Variants in STX5 observed in about 807,000 individuals in gnomAD.
STX5 encodes syntaxin-5.
STX5 carries 15 observed loss-of-function variants against 42.9 expected under a neutral mutation model. The ratio of observed to expected loss-of-function variants is 0.35; its 90% CI spans 0.23 to 0.54. STX5 has a LOEUF of 0.54. Ranked by LOEUF, STX5 falls within the 20% of genes least tolerant of loss-of-function variation. The pLI, the probability that STX5 is intolerant of heterozygous loss-of-function variation, is 0.91. For synonymous variants in STX5, 184 were observed against 173.2 expected (o/e 1.06, Z -0.49); for missense variants, 430 against 455.0 (o/e 0.95, Z 0.50).
At chr11:62,812,556 C>T (rs1400110678) in intron 10 of STX5, among the ~76,000 whole-genome samples, 1 of 151,866 alleles carries the variant, frequency 6.6e-6, no homozygotes, top group Non-Finnish European at 1.5e-5. Context: ...GTAGCTGGGA[C>T]TACAGGCGCC....
At chr11:62,819,469 G>A (rs1477391135) in intron 10 of STX5, among the ~76,000 whole-genome samples, 1 of 151,646 alleles carries the variant, frequency 6.6e-6, no homozygotes, top group African/African-American at 2.4e-5. Context: ...AAATATGTGA[G>A]CACTATTACC....
chr11:62,814,846 G>A (rs528864752), intron 10 of STX5, among the ~76,000 whole-genome samples: 1 of 149,758 alleles, frequency 6.7e-6, no homozygotes, highest in Non-Finnish European at 1.5e-5. Flanking sequence ...CGCCTGCCTC[G>A]GCCTCCCAGA....
Position 62,827,169 on chromosome 11 carries a change from A to C in STX5, c.409T>G (p.Tyr137Asp). 1 of 1,614,124 alleles carries C rather than the reference A, an allele frequency of 6.2e-7. No homozygotes were observed. Among genetic ancestry groups the C allele is most frequent in the Non-Finnish European group, 8.5e-7 (1 of 1,180,002 alleles). ...DKAVEIEELT[Y>D]IIKQDINSLN... ...TAGTAGCTCACCTGTTTGATGATAT[A>C]TGTTAGCTCTTCAATTTCCACTGCT... The change falls in exon 5 of 11, where the codon TAT becomes GAT. Residue 137 changes from tyrosine to aspartate, a missense_variant. By Grantham distance (160) the Tyr-to-Asp change is radical. Transcript: ENST00000294179.
chr11:62,820,580 G>A (rs1322576597), intron 10 of STX5, among the ~76,000 whole-genome samples: 1 of 149,836 alleles, frequency 6.7e-6, no homozygotes, highest in Non-Finnish European at 1.5e-5. Flanking sequence ...GCAGTGGCGC[G>A]ATCTCAGCTC....
In STX5 at chr11:62,825,062, G is replaced by A. The variant is rs769289730; in HGVS notation, c.653C>T (p.Ala218Val). 2 of 1,613,936 alleles carry A rather than the reference G, an allele frequency of 1.2e-6. No individual in the cohort carries two copies. Among genetic ancestry groups the A allele is most frequent in the South Asian group, 2.2e-5 (2 of 91,086 alleles). ...REQFSRAPVS[A>V]LPLAPNHLGG... is the part of the protein sequence containing the mutation. ...CAGGTGGTTAGGGGCAAGGGGCAGG[G>A]CTGACACAGGTGCCCGGGAGAACTG... The change falls in exon 8 of 11, where the codon GCC (alanine) becomes GTC (valine). Residue 218 changes from alanine to valine, a missense_variant. By Grantham distance (64) the Ala-to-Val change is moderately conservative. Coordinates refer to ENST00000294179, the MANE Select transcript of STX5 (RefSeq NM_003164.5).
At chr11:62,827,047 T>A in intron 5 of STX5, 108 bp downstream of exon 5, 1 of 989,044 alleles carries the variant, frequency 1.0e-6, no homozygotes, top group East Asian at 2.6e-5. Flanking sequence ...GAGACCCCCC[T>A]CTCTAAAAAA....
At chr11:62,824,122 G>A (rs2084767668) in intron 10 of STX5, 44 bp downstream of exon 10, 2 of 1,613,474 alleles carry the variant, frequency 1.2e-6, no homozygotes, top group Non-Finnish European at 1.7e-6. Context: ...CAATCCACGG[G>A]GAAGAGAAAG....
chr11:62,809,382 A>C (rs746324304), intron 10 of STX5, among the ~76,000 whole-genome samples: 9 of 146,230 alleles, frequency 6.2e-5, no homozygotes, highest in Non-Finnish European at 9.1e-5. Flanking sequence ...TAGTTTGAAA[A>C]TGACATTATG....
chr11:62,809,448 G>A (rs928232047), intron 10 of STX5, among the ~76,000 whole-genome samples: 1 of 151,542 alleles, frequency 6.6e-6, no homozygotes, highest in Non-Finnish European at 1.5e-5. Context: ...GCCGAGGTGG[G>A]TGCATCACGA....
At chr11:62,831,323 C>T in intron 1 of STX5, 61 bp from the exon 2 acceptor site, 1 of 1,213,792 alleles carries the variant, frequency 8.2e-7, no homozygotes, top group South Asian at 1.3e-5. Flanking sequence ...TCCCCCGCCC[C>T]ACCCCAATCA....
intron 10 of STX5, among the ~76,000 whole-genome samples, chr11:62,819,759 T>A (rs1401611023): frequency 6.6e-6 from 1 of 151,996 alleles, no homozygotes; most frequent in Non-Finnish European, 1.5e-5. Flanking sequence ...AATGGCACGA[T>A]CTCGGCTCAC....
At chr11:62,812,505 G>A (rs1291011025) in intron 10 of STX5, among the ~76,000 whole-genome samples, 2 of 151,692 alleles carry the variant, frequency 1.3e-5, no homozygotes, top group Admixed American at 6.6e-5. Context: ...TGCAAGCTCC[G>A]CCTCCTGGGT....
In STX5 at chr11:62,829,606, A is replaced by C. The variant is rs56964152; in HGVS notation, c.225+1413T>G. On this transcript the variant is annotated intron_variant, in intron 2 of 10. Coordinates refer to ENST00000294179, the MANE Select transcript of STX5 (RefSeq NM_003164.5). ...TGGTAAAACCCCATCTCTACTAACAAAACAGAAATTAGCCAGATGTGGTGG... is the reference window on the plus strand; with the variant it reads ...TGGTAAAACCCCATCTCTACTAACACAACAGAAATTAGCCAGATGTGGTGG... 8.8e-3 allele frequency among the ~76,000 whole-genome samples: 1,340 copies of C among 152,016 alleles called. 15 individuals are homozygous for C. Among genetic ancestry groups the C allele is most frequent in the African/African-American group, 0.031 (1,279 of 41,450 alleles).
At chr11:62,809,673 CAAAAAAAAA>C (rs749188946) in intron 10 of STX5, among the ~76,000 whole-genome samples, 10 of 19,184 alleles carry the variant, frequency 5.2e-4, no homozygotes, top group African/African-American at 1.1e-3. Context: ...GACTCTGTCT[CAAAAAAAAA>C]AAAAAAAAAA....
At chr11:62,831,861 C>G in intron 1 of STX5, 93 bp downstream of exon 1, 2 of 456,286 alleles carry the variant, frequency 4.4e-6, no homozygotes, top group Non-Finnish European at 8.8e-6. Flanking sequence ...CCGCTCGCCC[C>G]TGATTCCCTT....
chr11:62,811,481 G>A (rs1159173239), intron 10 of STX5, among the ~76,000 whole-genome samples: 1 of 152,068 alleles, frequency 6.6e-6, no homozygotes, highest in Non-Finnish European at 1.5e-5. Flanking sequence ...GAATAATTCT[G>A]CACTCCTGTA....
At chr11:62,816,790 G>C (rs1410030176) in intron 10 of STX5, among the ~76,000 whole-genome samples, 1 of 149,740 alleles carries the variant, frequency 6.7e-6, no homozygotes, top group Non-Finnish European at 1.5e-5. Flanking sequence ...CTGTACTCGG[G>C]AGGCTGAGGA....
intron 10 of STX5, among the ~76,000 whole-genome samples, chr11:62,814,628 A>ATT (rs59288995): frequency 8.8e-5 from 12 of 136,566 alleles, no homozygotes; most frequent in Non-Finnish European, 1.1e-4. Context: ...CGCTCAGCTA[A>ATT]TTTTTTTTTT....
At chr11:62,830,873 C>A in intron 2 of STX5, 146 bp downstream of exon 2, 1 of 805,942 alleles carries the variant, frequency 1.2e-6, no homozygotes, top group South Asian at 1.5e-5. Context: ...TTCTCTGTTG[C>A]TTATAGCAGA....
Sources: gnomAD v4.1 joint callset for allele counts (sites outside exome capture counted in the v4.1 genomes callset) on GRCh38, gnomAD v4.1.1 for gene constraint, MANE v1.5 for transcripts, NCBI Gene and HGNC (gene_info 2026-07-23, HGNC 2026-07-21) for gene names.